PIK3R3: variants seen among roughly 807,000 people sequenced by gnomAD.
PIK3R3 encodes the protein phosphoinositide-3-kinase regulatory subunit 3.
PIK3R3 carries 64 observed loss-of-function variants against 62.9 expected under a neutral mutation model. That is an observed-to-expected ratio of 1.02 (90% CI 0.83 to 1.25). The LOEUF (loss-of-function observed/expected upper bound fraction) is 1.25. Among genes scored for constraint, PIK3R3 ranks in the 50% most tolerant of loss-of-function variants. The pLI is 0.00. For missense variants in PIK3R3, 614 were observed against 561.6 expected, an observed-to-expected ratio of 1.09 and a Z score of -0.94; for synonymous variants, 165 against 189.0, an observed-to-expected ratio of 0.87 and a Z score of 1.04.
At chr1:46,144,846 T>C in the PIK3R3 span, among the ~76,000 whole-genome samples, 1 of 151,528 alleles carries the variant, frequency 6.6e-6, no homozygotes, top group African/African-American at 2.4e-5. Flanking sequence ...GGGTTGAGGC[T>C]GGGCACGGCG....
chr1:46,081,176 A>G (rs562500267), intron 1 of PIK3R3, among the ~76,000 whole-genome samples: 5 of 152,322 alleles, frequency 3.3e-5, no homozygotes, highest in African/African-American at 1.2e-4. Flanking sequence ...CTATGAAATG[A>G]TGGTTATGTT....
At chr1:46,166,221 TTTTCTTTTC>T in the PIK3R3 span, among the ~76,000 whole-genome samples, 246 of 151,758 alleles carry the variant, frequency 1.6e-3, 3 homozygotes, top group East Asian at 0.025. Flanking sequence ...TTTTCTTTTC[TTTTCTTTTC>T]TTTTTTTTTC....
intron 7 of PIK3R3, among the ~76,000 whole-genome samples, chr1:46,050,111 A>G: frequency 7.0e-6 from 1 of 143,492 alleles, no homozygotes; most frequent in Admixed American, 7.0e-5. Flanking sequence ...ACAAGAGTGA[A>G]ACTCTGTCTC....
Position 46,098,051 on chromosome 1 carries a change from C to T in PIK3R3, c.107-17301G>A, listed in dbSNP as rs535625135. 3.9e-5 allele frequency among the ~76,000 whole-genome samples: 6 copies of T among 152,196 alleles called. No individual in the cohort carries two copies. The East Asian group carries it at 1.2e-3, about 29-fold the overall frequency. On this transcript the variant is annotated intron_variant, in intron 1 of 9. Transcript: ENST00000262741. Reference sequence around the variant, plus strand: ...CTAATAAAAGAGTTCAACAAGGTTGCAGAATACAAGGAATATGCAAAAATC... The same window carrying T: ...CTAATAAAAGAGTTCAACAAGGTTGTAGAATACAAGGAATATGCAAAAATC...
the PIK3R3 span, among the ~76,000 whole-genome samples, chr1:46,167,360 G>A: frequency 3.3e-5 from 5 of 152,248 alleles, no homozygotes; most frequent in Non-Finnish European, 5.9e-5. Flanking sequence ...GGGCAGTGGG[G>A]AGGAAGCTAC....
At chr1:46,066,246 C>T (rs1648978350) in intron 4 of PIK3R3, 67 bp from the exon 5 acceptor site, 3 of 1,154,232 alleles carry the variant, frequency 2.6e-6, no homozygotes, top group South Asian at 1.4e-5. Flanking sequence ...AGATTTTCCA[C>T]ATCTATTTTT....
chr1:46,132,959 G>A (rs1445992804), upstream of PIK3R3: 2 of 1,120,874 alleles, frequency 1.8e-6, no homozygotes, highest in East Asian at 9.0e-5. Context: ...GTCAGTGCCG[G>A]GAGCACGCGA....
At chr1:46,054,474 G>A (rs951812823) in intron 7 of PIK3R3, among the ~76,000 whole-genome samples, 2 of 150,378 alleles carry the variant, frequency 1.3e-5, no homozygotes, top group African/African-American at 4.9e-5. Flanking sequence ...CCAATCTCTA[G>A]GTGTATATTT....
the PIK3R3 span, among the ~76,000 whole-genome samples, chr1:46,163,238 C>T: frequency 7.2e-5 from 11 of 152,346 alleles, no homozygotes; most frequent in East Asian, 7.7e-4. Context: ...TCTATCACTT[C>T]ATAACATGAT....
At chr1:46,086,824 T>C (rs949217279) in intron 1 of PIK3R3, among the ~76,000 whole-genome samples, 10 of 152,140 alleles carry the variant, frequency 6.6e-5, no homozygotes, top group African/African-American at 9.7e-5. Context: ...TGACAATCTA[T>C]AGAAAGAGCA....
At chr1:46,111,745 A>G (rs1354069747) in intron 1 of PIK3R3, among the ~76,000 whole-genome samples, 1 of 151,704 alleles carries the variant, frequency 6.6e-6, no homozygotes, top group Non-Finnish European at 1.5e-5. Flanking sequence ...GTGGGGGGGC[A>G]TGTTTTGGGT....
chr1:46,138,643 G>A, the PIK3R3 span, among the ~76,000 whole-genome samples: 72,094 of 152,212 alleles, frequency 0.47, 17,254 homozygotes, highest in East Asian at 0.65. Context: ...TGGGCACAGA[G>A]TGAGACCTTG....
At chr1:46,091,210 G>A (rs1377632312) in intron 1 of PIK3R3, among the ~76,000 whole-genome samples, 1 of 148,752 alleles carries the variant, frequency 6.7e-6, no homozygotes. Context: ...GTGCAATCTC[G>A]GCTCACTGCA....
chr1:46,097,997 C>T (rs1252417406), intron 1 of PIK3R3, among the ~76,000 whole-genome samples: 5 of 151,644 alleles, frequency 3.3e-5, no homozygotes, highest in Non-Finnish European at 7.4e-5. Context: ...CATACTCAAT[C>T]ATAAGAAATA....
chr1:46,082,462 C>A (rs911229756), intron 1 of PIK3R3, among the ~76,000 whole-genome samples: 1 of 152,062 alleles, frequency 6.6e-6, no homozygotes, highest in Non-Finnish European at 1.5e-5. Context: ...GACAACACTG[C>A]GACAATGGGC....
chr1:46,077,743 G>A (rs189557179), intron 2 of PIK3R3, 130 bp from the exon 3 acceptor site: 370 of 611,704 alleles, frequency 6.0e-4, no homozygotes, highest in Non-Finnish European at 9.2e-4. Context: ...ATAGAATAAC[G>A]GAGCCATTTA....
At chr1:46,165,582 A>G in the PIK3R3 span, among the ~76,000 whole-genome samples, 1 of 151,834 alleles carries the variant, frequency 6.6e-6, no homozygotes, top group African/African-American at 2.4e-5. Context: ...CTGGGATTAC[A>G]AGCGTGAGCC....
At chr1:46,094,093 G>T (rs2149432745) in intron 1 of PIK3R3, among the ~76,000 whole-genome samples, 1 of 150,352 alleles carries the variant, frequency 6.7e-6, no homozygotes, top group Admixed American at 6.6e-5. Context: ...TGTCGAAGAT[G>T]AACGATGTTA....
At chr1:46,161,352 C>G in the PIK3R3 span, among the ~76,000 whole-genome samples, 4 of 151,298 alleles carry the variant, frequency 2.6e-5, no homozygotes, top group African/African-American at 7.3e-5. Flanking sequence ...CTTGCCTTGG[C>G]CTCCCAAAGT....
Sources: allele counts gnomAD v4.1 joint callset (sites outside exome capture counted in the v4.1 genomes callset), GRCh38; gene constraint gnomAD v4.1.1; transcripts MANE v1.5; gene names NCBI Gene and HGNC (gene_info 2026-07-23, HGNC 2026-07-21).